LRP1B: variants seen among roughly 807,000 people sequenced by gnomAD.
LRP1B encodes low-density lipoprotein receptor-related protein 1B.
In LRP1B, 217 loss-of-function variants were observed where a neutral mutation model predicts 556.6. The ratio of observed to expected loss-of-function variants is 0.39; its 90% CI spans 0.35 to 0.44. LRP1B has a LOEUF of 0.44. Ranked by LOEUF, LRP1B falls within the 20% of genes least tolerant of loss-of-function variation. The pLI, the probability that LRP1B is intolerant of heterozygous loss-of-function variation, is 1.00. For missense variants in LRP1B, 5,053 were observed against 5,620.8 expected, an observed-to-expected ratio of 0.90 and a Z score of 3.23; for synonymous variants, 2,047 against 1,865.8, an observed-to-expected ratio of 1.10 and a Z score of -2.50.
intron 2 of LRP1B, among the ~76,000 whole-genome samples, chr2:141,622,119 G>A (rs945675732): frequency 7.2e-5 from 11 of 152,090 alleles, no homozygotes; most frequent in Non-Finnish European, 1.5e-4. Flanking sequence ...TTGAACTCCC[G>A]ACCGCAGGTG....
intron 3 of LRP1B, among the ~76,000 whole-genome samples, chr2:141,389,618 C>T (rs182466453): frequency 2.4e-4 from 36 of 151,732 alleles, no homozygotes; most frequent in African/African-American, 8.8e-4. Flanking sequence ...ACAACAACAA[C>T]AAAACAGATA....
intron 27 of LRP1B, among the ~76,000 whole-genome samples, chr2:140,866,689 T>A (rs1343162777): frequency 6.6e-6 from 1 of 152,008 alleles, no homozygotes. Flanking sequence ...GAATAAATAG[T>A]ATCAAGGGAG....
At chr2:140,795,155 G>A (rs1690260328) in intron 32 of LRP1B, among the ~76,000 whole-genome samples, 1 of 152,108 alleles carries the variant, frequency 6.6e-6, no homozygotes. Flanking sequence ...GAGCCTTCTT[G>A]TAAAGGTTCT....
chr2:140,806,691 C>T (rs1189332219), intron 32 of LRP1B, among the ~76,000 whole-genome samples: 1 of 152,190 alleles, frequency 6.6e-6, no homozygotes, highest in Non-Finnish European at 1.5e-5. Flanking sequence ...TTTAGACATA[C>T]TGACTTCAAG....
At chr2:141,773,619 T>C (rs1446387569) in intron 2 of LRP1B, among the ~76,000 whole-genome samples, 3 of 152,356 alleles carry the variant, frequency 2.0e-5, no homozygotes, top group Non-Finnish European at 2.9e-5. Context: ...TTTCTTGGCA[T>C]TGCCCTTAGG....
At chr2:141,535,592 A>G (rs566408579) in intron 2 of LRP1B, among the ~76,000 whole-genome samples, 13 of 152,190 alleles carry the variant, frequency 8.5e-5, no homozygotes, top group African/African-American at 3.1e-4. Context: ...GACTTTTTCA[A>G]TGCTTTAGTG....
At chr2:140,234,739 G>C (rs750011954) in intron 90 of LRP1B, 47 bp downstream of exon 90, 2 of 756,214 alleles carry the variant, frequency 2.6e-6, no homozygotes, top group Middle Eastern at 2.3e-4. Flanking sequence ...TGATTGTGAG[G>C]GTTCTGTGAT....
At chr2:140,455,593 T>G (rs1016932895) in intron 62 of LRP1B, among the ~76,000 whole-genome samples, 1 of 152,166 alleles carries the variant, frequency 6.6e-6, no homozygotes, top group African/African-American at 2.4e-5. Flanking sequence ...GAAAAAGTTC[T>G]AATTGTTGTT....
chr2:140,699,928 T>C (rs1020890216), intron 41 of LRP1B, among the ~76,000 whole-genome samples: 1 of 146,574 alleles, frequency 6.8e-6, no homozygotes, highest in Non-Finnish European at 1.5e-5. Context: ...AAAAAAAAAA[T>C]CAATTAGAAT....
chr2:140,269,397 A>G (rs1558759972), intron 86 of LRP1B: 2 of 469,458 alleles, frequency 4.3e-6, no homozygotes, highest in Non-Finnish European at 8.8e-6. Context: ...GAATTTCAGT[A>G]AAATACAGCT....
chr2:141,855,765 G>A (rs12691623), intron 1 of LRP1B, among the ~76,000 whole-genome samples: 1 of 151,826 alleles, frequency 6.6e-6, no homozygotes. Flanking sequence ...ATCCAAACAA[G>A]TGAAGTCTGG....
chr2:141,077,342 G>A (rs1286076435), intron 7 of LRP1B, among the ~76,000 whole-genome samples: 1 of 152,140 alleles, frequency 6.6e-6, no homozygotes, highest in African/African-American at 2.4e-5. Context: ...TTACATATAG[G>A]CCAATTAGTT....
At chr2:142,104,231 T>C (rs1030033196) in intron 1 of LRP1B, among the ~76,000 whole-genome samples, 1 of 152,086 alleles carries the variant, frequency 6.6e-6, no homozygotes, top group Non-Finnish European at 1.5e-5. Context: ...GAAGGATTTG[T>C]TTTATTACAG....
At chr2:141,570,793 C>T (rs959564894) in intron 2 of LRP1B, among the ~76,000 whole-genome samples, 1 of 151,388 alleles carries the variant, frequency 6.6e-6, no homozygotes, top group African/African-American at 2.4e-5. Flanking sequence ...TAATCTGCAG[C>T]CAGAGTGCCT....
chr2:141,229,577 A>G, intron 5 of LRP1B, 137 bp from the exon 6 acceptor site: 5 of 654,888 alleles, frequency 7.6e-6, no homozygotes, highest in East Asian at 5.8e-5. Flanking sequence ...AAAACTTTCT[A>G]TAAGTCATAT....
intron 84 of LRP1B, among the ~76,000 whole-genome samples, chr2:140,275,195 T>TA (rs1682619383): frequency 6.6e-6 from 1 of 152,014 alleles, no homozygotes; most frequent in African/African-American, 2.4e-5. Context: ...TATGATTAGG[T>TA]ATAATTGAAG....
chr2:140,290,205 A>G (rs188900790), intron 84 of LRP1B, among the ~76,000 whole-genome samples: 18 of 152,174 alleles, frequency 1.2e-4, no homozygotes, highest in Admixed American at 1.1e-3. Flanking sequence ...GATTCTAGGA[A>G]AAAGGAGAGT....
chr2:140,371,576 T>C (rs550248954), intron 69 of LRP1B, among the ~76,000 whole-genome samples: 1 of 151,628 alleles, frequency 6.6e-6, no homozygotes, highest in South Asian at 2.1e-4. Flanking sequence ...CAAACCTTGA[T>C]ATCCTTCATC....
At chr2:141,335,289 T>C (rs1053032742) in intron 3 of LRP1B, among the ~76,000 whole-genome samples, 3 of 152,082 alleles carry the variant, frequency 2.0e-5, no homozygotes, top group Admixed American at 2.0e-4. Flanking sequence ...TACTGTTACA[T>C]GAGAAAAAAG....
Sources: allele counts gnomAD v4.1 joint callset (sites outside exome capture counted in the v4.1 genomes callset), GRCh38; gene constraint gnomAD v4.1.1; transcripts MANE v1.5; gene names NCBI Gene and HGNC (gene_info 2026-07-23, HGNC 2026-07-21).